Variants in TMEM267 observed in about 807,000 individuals in gnomAD.
TMEM267 encodes the protein transmembrane protein C5orf28.
TMEM267 carries 20 observed loss-of-function variants against 19.3 expected under a neutral mutation model. The observed-to-expected ratio is 1.04, with a 90% confidence interval of 0.73 to 1.51. TMEM267 has a LOEUF of 1.51. TMEM267 is among the 40% of genes most tolerant of loss of function. The probability of loss-of-function intolerance (pLI) is 0.00; values close to 1 mark genes in which losing one functional copy is unlikely to be tolerated. For missense variants in TMEM267, 242 were observed against 261.9 expected (o/e 0.92, Z 0.52); for synonymous variants, 88 against 90.3 (o/e 0.97, Z 0.15).
chr5:43,477,785 G>C lies in TMEM267; in HGVS notation c.-75+6037C>G, dbSNP rs1744516619. On this transcript the variant is annotated intron_variant, in intron 1 of 2. Coordinates refer to ENST00000397080, the MANE Select transcript of TMEM267 (RefSeq NM_022483.5). ...GTTTCTTGCTCTCAATACAAAATTC[G>C]GAGCGAGGTAAAGTATGTGTCTGAT... Among the ~76,000 whole-genome samples, 3 of 152,096 alleles carry C rather than the reference G, an allele frequency of 2.0e-5. No individual in the cohort carries two copies. The South Asian group carries it at 6.2e-4, about 32-fold the overall frequency.
intron 1 of TMEM267, chr5:43,479,994 GGATA>G (rs749665701): frequency 8.3e-5 from 29 of 350,808 alleles, no homozygotes; most frequent in Non-Finnish European, 1.2e-4. Context: ...ACACCTGAAT[GGATA>G]AAGAAGTCAA....
rs527242886 is a variant in TMEM267, at chr5:43,465,727, TCTCA to T, written c.-74-11688_-74-11685del. Among the ~76,000 whole-genome samples the T allele has an allele frequency of 1.8e-3, 277 of 152,240 alleles. 2 individuals carry two copies. The highest frequency in any genetic ancestry group is 8.5e-3 in the South Asian group (41 of 4,826). The stretch of plus-strand genomic sequence containing the variant: ...GGACAAAAAACCAAACACTGCACGT[TCTCA>T]CTCATAGGTGGGAACTGAACAATGA... On this transcript the variant is annotated intron_variant, in intron 1 of 2. Coordinates refer to ENST00000397080, the MANE Select transcript of TMEM267 (RefSeq NM_022483.5).
intron 2 of TMEM267, among the ~76,000 whole-genome samples, chr5:43,446,794 A>G (rs76946968): frequency 6.6e-6 from 1 of 152,016 alleles, no homozygotes; most frequent in East Asian, 1.9e-4. Flanking sequence ...TATGGTGATT[A>G]ATTTTTTAAG....
chr5:43,474,578 G>A lies in TMEM267; in HGVS notation c.-75+9244C>T, dbSNP rs146809966. On this transcript the variant is annotated intron_variant, in intron 1 of 2. Coordinates refer to ENST00000397080, the MANE Select transcript of TMEM267 (RefSeq NM_022483.5). Reference sequence around the variant, plus strand: ...AGTTCGAGACCAGCCTGACCAACACGGAGAAATCCCATCTCTACTAAAAAT... The same window carrying A: ...AGTTCGAGACCAGCCTGACCAACACAGAGAAATCCCATCTCTACTAAAAAT... 3.0e-4 allele frequency among the ~76,000 whole-genome samples: 45 copies of A among 152,068 alleles called. No individual in the cohort carries two copies. In the East Asian group the frequency reaches 7.4e-3, roughly 25 times the overall value.
upstream of TMEM267, chr5:43,484,173 A>T (rs1452385623): frequency 6.6e-6 from 1 of 152,284 alleles, no homozygotes; most frequent in East Asian, 1.9e-4. Flanking sequence ...GTAGCTGCCG[A>T]CATCCCCACG....
At chr5:43,449,680 T>C (rs1292265532) in intron 2 of TMEM267, among the ~76,000 whole-genome samples, 2 of 152,344 alleles carry the variant, frequency 1.3e-5, no homozygotes, top group South Asian at 2.1e-4. Flanking sequence ...TTTTATGTAC[T>C]ATAGTAATAA....
rs1053790551 is a variant in TMEM267 at position 43,446,020 on chromosome 5, G to C, written c.*202C>G. 3.8e-5 allele frequency: 14 copies of C among 369,824 alleles called. No individual in the cohort carries two copies. The highest frequency in any genetic ancestry group is 5.8e-5 in the Non-Finnish European group (12 of 207,092). 22.9% of individuals were successfully genotyped at this position (369,824 alleles called of 1,614,324 possible). ...AATGAAACTCTAATATTGCACTAGA[G>C]TTGTCATAGAAGAGAGAAGTAGAAT... On this transcript the variant is annotated 3_prime_UTR_variant, in exon 3 of 3. Transcript: ENST00000397080.
At chr5:43,473,499 A>G (rs1055408532) in intron 1 of TMEM267, among the ~76,000 whole-genome samples, 2 of 152,214 alleles carry the variant, frequency 1.3e-5, no homozygotes, top group Non-Finnish European at 2.9e-5. Context: ...GTGAACTCCC[A>G]TTCACAATTG....
In TMEM267 at chr5:43,445,741, C is replaced by CTA. The variant is rs1347145158; in HGVS notation, c.*479_*480dup. 2 of 152,320 alleles carry CTA rather than the reference C, an allele frequency of 1.3e-5. No individual in the cohort carries two copies. Among genetic ancestry groups the CTA allele is most frequent in the African/African-American group, 4.8e-5 (2 of 41,426 alleles). The allele number at this position is 152,320 out of a possible 1,614,324, so 9.4% of individuals were successfully genotyped here. On this transcript the variant is annotated 3_prime_UTR_variant, in exon 3 of 3. Coordinates refer to ENST00000397080, the MANE Select transcript of TMEM267 (RefSeq NM_022483.5). ...GAAAATAAATACATGTTAGCATTAACTATACATTTGTATAGTTAAATGATT... is the reference window on the plus strand; with the variant it reads ...GAAAATAAATACATGTTAGCATTAACTATATACATTTGTATAGTTAAATGATT...
chr5:43,477,194 A>C (rs1478460628), intron 1 of TMEM267, among the ~76,000 whole-genome samples: 1 of 152,072 alleles, frequency 6.6e-6, no homozygotes, highest in African/African-American at 2.4e-5. Flanking sequence ...CCTGTCTGAA[A>C]AACAACAACA....
intron 1 of TMEM267, among the ~76,000 whole-genome samples, chr5:43,456,267 T>C (rs1742945141): frequency 6.6e-6 from 1 of 152,188 alleles, no homozygotes; most frequent in African/African-American, 2.4e-5. Context: ...TCTTACTCCA[T>C]ATACAAAAAT....
At chr5:43,464,319 C>T (rs201175630) in intron 1 of TMEM267, among the ~76,000 whole-genome samples, 2,851 of 146,898 alleles carry the variant, frequency 0.019, 88 homozygotes, top group African/African-American at 0.067. Context: ...TACAAACAAA[C>T]GGAAGAACAT....
At chr5:43,470,863 T>A (rs1264463165) in intron 1 of TMEM267, among the ~76,000 whole-genome samples, 1 of 152,112 alleles carries the variant, frequency 6.6e-6, no homozygotes, top group African/African-American at 2.4e-5. Flanking sequence ...ACAAGAAAAC[T>A]ATTAAAACTA....
In TMEM267 at chr5:43,446,879, G is replaced by A. The variant is rs184966481; in HGVS notation, c.313-322C>T. 7.6e-3 allele frequency among the ~76,000 whole-genome samples: 1,160 copies of A among 151,914 alleles called. 4 individuals are homozygous for A. The highest frequency in any genetic ancestry group is 9.7e-3 in the Non-Finnish European group (659 of 67,940). On this transcript the variant is annotated intron_variant, in intron 2 of 2. Transcript: ENST00000397080. Reference sequence around the variant, plus strand: ...CTAAGTGTACAGTTTGTGTAATTTGGAGTTTTATATAATTATCCAGGGCCT... The same window carrying A: ...CTAAGTGTACAGTTTGTGTAATTTGAAGTTTTATATAATTATCCAGGGCCT...
At chr5:43,458,397 T>C (rs1045935737) in intron 1 of TMEM267, among the ~76,000 whole-genome samples, 1 of 152,218 alleles carries the variant, frequency 6.6e-6, no homozygotes, top group Non-Finnish European at 1.5e-5. Flanking sequence ...CCACTGAACC[T>C]GGCCTAGAAA....
intron 1 of TMEM267, among the ~76,000 whole-genome samples, chr5:43,481,736 C>A (rs569042475): frequency 6.6e-6 from 1 of 152,276 alleles, no homozygotes; most frequent in African/African-American, 2.4e-5. Context: ...CAGATGTCCG[C>A]AGCCACTGCC....
chr5:43,483,675 C>T (rs1744949605), intron 1 of TMEM267, 147 bp downstream of exon 1: 1 of 152,454 alleles, frequency 6.6e-6, no homozygotes, highest in South Asian at 2.1e-4. Context: ...GGCGGCTGTT[C>T]CAGCACGCCC....
At chr5:43,452,077 CAAAA>C (rs375224453) in intron 2 of TMEM267, among the ~76,000 whole-genome samples, 2 of 86,542 alleles carry the variant, frequency 2.3e-5, no homozygotes, top group Admixed American at 1.5e-4. Context: ...GACCCTATCT[CAAAA>C]AAAAAAAAAA....
intron 1 of TMEM267, among the ~76,000 whole-genome samples, chr5:43,458,795 T>C (rs1226662596): frequency 6.6e-6 from 1 of 152,146 alleles, no homozygotes; most frequent in East Asian, 1.9e-4. Flanking sequence ...ATGAAAAAGT[T>C]GATTACCCAA....
Sources: allele counts gnomAD v4.1 joint callset (sites outside exome capture counted in the v4.1 genomes callset), GRCh38; gene constraint gnomAD v4.1.1; transcripts MANE v1.5; gene names NCBI Gene and HGNC (gene_info 2026-07-23, HGNC 2026-07-21).